HS6ST3: variants seen among roughly 807,000 people sequenced by gnomAD.
HS6ST3 encodes heparan sulfate 6-O-sulfotransferase 3.
Under a neutral mutation model 36.7 loss-of-function variants are expected in HS6ST3, and 12 were observed. The observed-to-expected ratio is 0.33, with a 90% CI of 0.21 to 0.53. The LOEUF (loss-of-function observed/expected upper bound fraction) is 0.53. Among genes scored for constraint, HS6ST3 ranks in the 20% least tolerant of loss-of-function variants. The pLI is 0.95. For synonymous variants in HS6ST3, 240 were observed against 257.5 expected (o/e 0.93, Z 0.65); for missense variants, 584 against 640.9 (o/e 0.91, Z 0.96).
chr13:96,686,681 C>G (rs1874790637), intron 1 of HS6ST3, among the ~76,000 whole-genome samples: 1 of 152,022 alleles, frequency 6.6e-6, no homozygotes. Flanking sequence ...AAGCAGTACT[C>G]TTAAGGTCAA....
intron 1 of HS6ST3, among the ~76,000 whole-genome samples, chr13:96,579,316 C>G (rs540610683): frequency 6.6e-6 from 1 of 152,012 alleles, no homozygotes; most frequent in Admixed American, 6.6e-5. Context: ...ACTTTTAATA[C>G]CCTGAAGCAA....
chr13:96,474,675 C>G (rs1188323058), intron 1 of HS6ST3, among the ~76,000 whole-genome samples: 1 of 152,104 alleles, frequency 6.6e-6, no homozygotes, highest in African/African-American at 2.4e-5. Flanking sequence ...CAATAATCGG[C>G]TCCAATGAAG....
chr13:96,768,149 T>C (rs569058357), intron 1 of HS6ST3, among the ~76,000 whole-genome samples: 3 of 152,330 alleles, frequency 2.0e-5, no homozygotes, highest in Non-Finnish European at 4.4e-5. Context: ...ATGCTTTCAT[T>C]ATTTTTCCGA....
chr13:96,248,953 T>G (rs2139376352), intron 1 of HS6ST3, among the ~76,000 whole-genome samples: 1 of 152,310 alleles, frequency 6.6e-6, no homozygotes, highest in Non-Finnish European at 1.5e-5. Flanking sequence ...ACCTTTTCTG[T>G]CACCCAGTAG....
chr13:96,256,667 T>C (rs2054639021), intron 1 of HS6ST3, among the ~76,000 whole-genome samples: 1 of 152,296 alleles, frequency 6.6e-6, no homozygotes, highest in Admixed American at 6.5e-5. Context: ...ATTAGAATGA[T>C]TTAGTAGTAG....
chr13:96,381,235 TAA>T (rs2055339028), intron 1 of HS6ST3, among the ~76,000 whole-genome samples: 3 of 152,196 alleles, frequency 2.0e-5, no homozygotes, highest in Admixed American at 6.6e-5. Context: ...TTAGCAGAAC[TAA>T]AATCAGTAAC....
At chr13:96,142,029 A>G (rs986626142) in intron 1 of HS6ST3, among the ~76,000 whole-genome samples, 9 of 75,580 alleles carry the variant, frequency 1.2e-4, no homozygotes, top group Non-Finnish European at 2.4e-4. Flanking sequence ...GATTGTGGTC[A>G]TGGCAAAAAA....
intron 1 of HS6ST3, among the ~76,000 whole-genome samples, chr13:96,724,480 G>A (rs927779712): frequency 6.6e-6 from 1 of 152,114 alleles, no homozygotes; most frequent in Non-Finnish European, 1.5e-5. Context: ...CCATCCATCA[G>A]CCCGGAACCT....
At chr13:96,536,866 C>CT (rs2056157505) in intron 1 of HS6ST3, among the ~76,000 whole-genome samples, 1 of 152,186 alleles carries the variant, frequency 6.6e-6, no homozygotes, top group Non-Finnish European at 1.5e-5. Context: ...CAACAGCCCA[C>CT]TTTTTTGGGG....
intron 1 of HS6ST3, among the ~76,000 whole-genome samples, chr13:96,779,473 G>A (rs950763059): frequency 6.6e-6 from 1 of 152,080 alleles, no homozygotes; most frequent in African/African-American, 2.4e-5. Context: ...AAGGATCCTT[G>A]TGAATATAGT....
At position 96,833,195 on chromosome 13, in the gene HS6ST3, G is replaced by A. The variant is rs1158201224; in HGVS notation, c.1413G>A (p.Trp471Ter). The change falls in exon 2 of 2, where the codon TGG (tryptophan) becomes TGA (stop). Residue 471 changes from tryptophan to a stop codon, truncating the protein, a stop_gained. Transcript: ENST00000376705. LOFTEE classifies it high-confidence loss of function. Reference protein sequence around the residue: ...TEDYNSQVVRW With the variant: ...TEDYNSQVVR The stretch of plus-strand genomic sequence containing the variant: ...ACTACAACAGCCAGGTGGTGAGATG[G>A]TGACCTCCTGCCCTCTCCTCTCTCA... 1 of 1,550,322 alleles carries A rather than the reference G, an allele frequency of 6.5e-7. No individual in the cohort carries two copies. The highest frequency in any genetic ancestry group is 2.3e-5 in the East Asian group (1 of 44,176).
intron 1 of HS6ST3, among the ~76,000 whole-genome samples, chr13:96,321,481 AT>A (rs2055002630): frequency 6.6e-6 from 1 of 152,034 alleles, no homozygotes; most frequent in Admixed American, 6.6e-5. Context: ...CCACATCTTA[AT>A]TTCAAGAATC....
chr13:96,719,071 G>T lies in HS6ST3; in HGVS notation c.708-113419G>T, dbSNP rs772033261. Among the ~76,000 whole-genome samples the T allele has an allele frequency of 2.6e-5, 4 of 152,026 alleles. No individual in the cohort carries two copies. The East Asian group carries it at 7.7e-4, about 29-fold the overall frequency. On this transcript the variant is annotated intron_variant, in intron 1 of 1. Transcript: ENST00000376705. ...AGGCAGATCACAAGGTCAGGAGATC[G>T]AGACCATCCTGGCTAACACGGTTAA...
intron 1 of HS6ST3, among the ~76,000 whole-genome samples, chr13:96,367,516 T>C (rs930750368): frequency 1.3e-5 from 2 of 152,192 alleles, no homozygotes; most frequent in Admixed American, 1.3e-4. Context: ...ACTCTTACTA[T>C]GCTTTCTTTC....
rs996086141 is a variant in HS6ST3 at position 96,836,960 on chromosome 13, AT to A, written c.*3765del. On this transcript the variant is annotated 3_prime_UTR_variant, in exon 2 of 2. Transcript: ENST00000376705. ...CCACAGCTCCTGCCATCACATTTACATTTAAGATAGTAGAGAGGAAGTGGAG... is the reference window on the plus strand; with the variant it reads ...CCACAGCTCCTGCCATCACATTTACATTAAGATAGTAGAGAGGAAGTGGAG... The A allele has an allele frequency of 3.6e-4, 55 of 152,202 alleles. No homozygotes were observed. The highest frequency in any genetic ancestry group is 1.3e-3 in the African/African-American group (53 of 41,436). 9.4% of individuals were successfully genotyped at this position (152,202 alleles called of 1,614,324 possible). A position where few individuals can be genotyped will look rare whatever the true frequency, so the allele number is the denominator to read the frequency against.
At chr13:96,519,594 G>T (rs769340544) in intron 1 of HS6ST3, among the ~76,000 whole-genome samples, 1 of 152,184 alleles carries the variant, frequency 6.6e-6, no homozygotes, top group Non-Finnish European at 1.5e-5. Context: ...CTGCCCTTGG[G>T]CAGTTACAAC....
intron 1 of HS6ST3, among the ~76,000 whole-genome samples, chr13:96,647,793 C>T (rs2056594066): frequency 6.6e-6 from 1 of 151,378 alleles, no homozygotes; most frequent in Admixed American, 6.6e-5. Flanking sequence ...CACAGGAAAA[C>T]ATAGAAAAAA....
chr13:96,715,035 G>T (rs1875658709), intron 1 of HS6ST3, among the ~76,000 whole-genome samples: 1 of 152,018 alleles, frequency 6.6e-6, no homozygotes, highest in Non-Finnish European at 1.5e-5. Context: ...ATTTATAATA[G>T]TGAAGATTTG....
chr13:96,567,088 T>C (rs2056283978), intron 1 of HS6ST3, among the ~76,000 whole-genome samples: 1 of 152,176 alleles, frequency 6.6e-6, no homozygotes, highest in Non-Finnish European at 1.5e-5. Flanking sequence ...AATGATACCA[T>C]TGTTTAGTAT....
Sources: allele counts gnomAD v4.1 joint callset (sites outside exome capture counted in the v4.1 genomes callset), GRCh38; gene constraint gnomAD v4.1.1; transcripts MANE v1.5; gene names NCBI Gene and HGNC (gene_info 2026-07-23, HGNC 2026-07-21).